The following TAF1B variants were observed in gnomAD, a reference collection of about 807,000 sequenced individuals.
The protein encoded by TAF1B is TATA-box binding protein associated factor, RNA polymerase I subunit B.
Under a neutral mutation model 83.9 loss-of-function variants are expected in TAF1B, and 61 were observed. The ratio of observed to expected loss-of-function variants is 0.73; its 90% CI spans 0.59 to 0.90. The LOEUF (loss-of-function observed/expected upper bound fraction) is 0.90, where lower values mean the gene tolerates loss of function less well. TAF1B is among the 40% of genes least tolerant of loss of function. The pLI is 0.00. For synonymous variants in TAF1B, 221 were observed against 224.6 expected (o/e 0.98, Z 0.14); for missense variants, 625 against 677.0 (o/e 0.92, Z 0.85).
At chr2:9,915,038 A>G (rs1665640880) in intron 12 of TAF1B, among the ~76,000 whole-genome samples, 1 of 152,230 alleles carries the variant, frequency 6.6e-6, no homozygotes, top group Admixed American at 6.5e-5. Context: ...GATTATGAAA[A>G]ACACTAATAA....
At chr2:9,888,802 T>TG (rs1664768836) in intron 8 of TAF1B, among the ~76,000 whole-genome samples, 2 of 142,064 alleles carry the variant, frequency 1.4e-5, no homozygotes, top group African/African-American at 5.4e-5. Flanking sequence ...TTTTTTTTTT[T>TG]TTTTTTTTTT....
chr2:9,904,936 C>T lies in TAF1B; in HGVS notation c.885C>T (p.Asp295=). The T allele has an allele frequency of 6.2e-7, 1 of 1,612,444 alleles. No individual in the cohort carries two copies. The highest frequency in any genetic ancestry group is 8.5e-7 in the Non-Finnish European group (1 of 1,178,542). The change falls in exon 9 of 15, where the codon GAC becomes GAT. Residue 295 remains aspartate (D), a synonymous_variant. Coordinates refer to ENST00000263663, the MANE Select transcript of TAF1B (RefSeq NM_005680.3). Reference sequence around the variant, plus strand: ...TTTTAGATTTGCCTCGTTTTCCAGACATAACTGAAGACTGCTATCTTCATC... The same window carrying T: ...TTTTAGATTTGCCTCGTTTTCCAGATATAACTGAAGACTGCTATCTTCATC... ...GTFLDLPRFP[D]ITEDCYLHPN...
At chr2:9,879,736 T>C (rs1664436357) in intron 7 of TAF1B, among the ~76,000 whole-genome samples, 1 of 152,200 alleles carries the variant, frequency 6.6e-6, no homozygotes, top group Non-Finnish European at 1.5e-5. Flanking sequence ...ATATCTGTCT[T>C]TGTAAACCAA....
intron 14 of TAF1B, among the ~76,000 whole-genome samples, chr2:9,925,925 G>A (rs759971216): frequency 4.6e-5 from 7 of 152,056 alleles, no homozygotes; most frequent in Admixed American, 2.0e-4. Context: ...ATTTAGGGCC[G>A]TATATATTAT....
chr2:9,914,958 TATC>T lies in TAF1B; in HGVS notation c.1271+1713_1271+1715del, dbSNP rs1383822712. 6.6e-6 allele frequency among the ~76,000 whole-genome samples: 1 copy of T among 152,236 alleles called. No individual in the cohort carries two copies. On this transcript the variant is annotated intron_variant, in intron 12 of 14. Coordinates refer to ENST00000263663, the MANE Select transcript of TAF1B (RefSeq NM_005680.3). This position sits in a 1 kb window ranked among gnomAD's most constrained non-coding sequence, Gnocchi z 4.3. ...TTTTTCTCTTTGTTTCTCTGAATAT[TATC>T]ATCCATGTTGTCAGATGAAAATTAT...
chr2:9,904,756 AT>A, intron 8 of TAF1B, 102 bp from the exon 9 acceptor site: 1 of 1,168,166 alleles, frequency 8.6e-7, no homozygotes, highest in Non-Finnish European at 1.2e-6. Flanking sequence ...AGCATCTGTT[AT>A]TTTTTTACTT....
chr2:9,888,749 T>C (rs1664760014), intron 8 of TAF1B, among the ~76,000 whole-genome samples: 1 of 150,994 alleles, frequency 6.6e-6, no homozygotes, highest in Admixed American at 6.6e-5. Flanking sequence ...ATTGGATTAT[T>C]ATGTGCCTTG....
intron 14 of TAF1B, 87 bp downstream of exon 14, chr2:9,919,907 T>C: frequency 7.6e-7 from 1 of 1,308,686 alleles, no homozygotes; most frequent in South Asian, 1.3e-5. Flanking sequence ...AATTAGAAGC[T>C]GGTGAGCTTA....
At chr2:9,871,023 A>T (rs1488123628) in intron 6 of TAF1B, among the ~76,000 whole-genome samples, 1 of 151,742 alleles carries the variant, frequency 6.6e-6, no homozygotes, top group African/African-American at 2.4e-5. Flanking sequence ...ATCTGCTCTG[A>T]TCTAGAATGA....
chr2:9,852,971 C>T (rs1319330724), intron 4 of TAF1B, among the ~76,000 whole-genome samples: 1 of 152,062 alleles, frequency 6.6e-6, no homozygotes, highest in African/African-American at 2.4e-5. Flanking sequence ...CCCTGAAAGG[C>T]GTTAAGAATT....
intron 5 of TAF1B, among the ~76,000 whole-genome samples, chr2:9,857,424 A>G (rs1663598883): frequency 6.6e-6 from 1 of 152,180 alleles, no homozygotes; most frequent in African/African-American, 2.4e-5. Context: ...AGAGAGGAAT[A>G]GGAGTCAATG....
chr2:9,898,748 A>G (rs1244723963), intron 8 of TAF1B, among the ~76,000 whole-genome samples: 1 of 152,180 alleles, frequency 6.6e-6, no homozygotes, highest in South Asian at 2.1e-4. Context: ...ATTTCCCCCA[A>G]AAGTGTATTT....
chr2:9,908,643 C>T (rs1407032071), intron 9 of TAF1B, among the ~76,000 whole-genome samples: 1 of 152,170 alleles, frequency 6.6e-6, no homozygotes, highest in Non-Finnish European at 1.5e-5. Context: ...TTGAATTGAG[C>T]TTAATTCTCT....
At chr2:9,899,820 CAT>C (rs1444784979) in intron 8 of TAF1B, among the ~76,000 whole-genome samples, 2 of 152,198 alleles carry the variant, frequency 1.3e-5, no homozygotes, top group Admixed American at 1.3e-4. Flanking sequence ...TGTGCATAAA[CAT>C]ATTTGCAAAA....
intron 8 of TAF1B, among the ~76,000 whole-genome samples, chr2:9,900,480 G>A (rs1014682655): frequency 5.3e-5 from 8 of 152,118 alleles, no homozygotes; most frequent in African/African-American, 1.7e-4. Flanking sequence ...AGGCTGTAGT[G>A]AGCTGTGATC....
intron 14 of TAF1B, among the ~76,000 whole-genome samples, chr2:9,922,770 G>C (rs10929620): frequency 0.51 from 77,373 of 151,942 alleles, 22,740 homozygotes; most frequent in Non-Finnish European, 0.67. Context: ...GCTAGACCAG[G>C]GCCTAGCACA....
At chr2:9,859,358 G>T (rs1237517611) in intron 5 of TAF1B, among the ~76,000 whole-genome samples, 1 of 150,842 alleles carries the variant, frequency 6.6e-6, no homozygotes, top group Admixed American at 6.6e-5. Flanking sequence ...ACTTCAGCCT[G>T]GACTTCATTG....
At chr2:9,846,953 A>G (rs1185677428) in intron 2 of TAF1B, among the ~76,000 whole-genome samples, 2 of 152,214 alleles carry the variant, frequency 1.3e-5, no homozygotes, top group South Asian at 4.1e-4. Flanking sequence ...CTTTTGTACT[A>G]TAGTGCAGGT....
chr2:9,847,013 A>G (rs764140825), intron 2 of TAF1B, among the ~76,000 whole-genome samples: 1 of 152,242 alleles, frequency 6.6e-6, no homozygotes, highest in Non-Finnish European at 1.5e-5. Context: ...TGCCATTAGT[A>G]GATGAAGTCA....
Sources: gnomAD v4.1 joint callset for allele counts (sites outside exome capture counted in the v4.1 genomes callset) on GRCh38, gnomAD v4.1.1 for gene constraint, Gnocchi (gnomAD v3.1) non-coding constraint, MANE v1.5 for transcripts, NCBI Gene and HGNC (gene_info 2026-07-23, HGNC 2026-07-21) for gene names.